The following NR6A1 variants were observed in gnomAD, a reference collection of about 807,000 sequenced individuals.
NR6A1 encodes retinoic acid receptor-related testis-associated receptor.
In NR6A1, 7 loss-of-function variants were observed where a neutral mutation model predicts 59.1. That is an observed-to-expected ratio of 0.12 (90% CI 0.07 to 0.22). NR6A1 has a LOEUF of 0.22. Among genes scored for constraint, NR6A1 ranks in the 10% least tolerant of loss-of-function variants. The probability of loss-of-function intolerance (pLI) is 1.00; values close to 1 mark genes in which losing one functional copy is unlikely to be tolerated. For synonymous variants in NR6A1, 243 were observed against 236.1 expected (o/e 1.03, Z -0.27); for missense variants, 468 against 611.6 (o/e 0.77, Z 2.48).
intron 2 of NR6A1, among the ~76,000 whole-genome samples, chr9:124,679,463 G>GC (rs1353707476): frequency 6.6e-6 from 1 of 152,124 alleles, no homozygotes; most frequent in African/African-American, 2.4e-5. Context: ...ATCCGCACCT[G>GC]CCCCCTGATT....
chr9:124,554,270 C>T (rs1158133714), intron 3 of NR6A1, 58 bp downstream of exon 3: 64 of 1,611,396 alleles, frequency 4.0e-5, no homozygotes, highest in Non-Finnish European at 5.3e-5. Flanking sequence ...AAACAGCTGA[C>T]ACTAAAGGTA....
intron 1 of NR6A1, among the ~76,000 whole-genome samples, chr9:124,750,214 T>C (rs1840455905): frequency 6.6e-6 from 1 of 152,220 alleles, no homozygotes; most frequent in Admixed American, 6.5e-5. Context: ...AAATAGTATT[T>C]AAGAGCCTAA....
rs986521988 is a variant in NR6A1, at chr9:124,522,646, G to C, written c.*59C>G. The C allele has an allele frequency of 1.4e-6, 2 of 1,411,158 alleles. No homozygotes were observed. The highest frequency in any genetic ancestry group is 1.2e-5 in the South Asian group (1 of 80,258). The allele number at this position is 1,411,158 out of a possible 1,614,324, so 87.4% of individuals were successfully genotyped here. On this transcript the variant is annotated 3_prime_UTR_variant, in exon 10 of 10. Transcript: ENST00000487099. ...TTGGTCTCTCTGGCTTTTCCCTCCA[G>C]AGCCTGTCCTGCCCACCCAAGACGC...
chr9:124,592,047 T>C lies in NR6A1; in HGVS notation c.143-37477A>G, dbSNP rs927830998. On this transcript the variant is annotated intron_variant, in intron 2 of 9. Coordinates refer to ENST00000487099, the MANE Select transcript of NR6A1 (RefSeq NM_033334.4). ...GAAAAAAACGAATGATGTGAAAAAA[T>C]TGGTGGTCGCGGGGTGGGAGATTGT... Among the ~76,000 whole-genome samples the C allele has an allele frequency of 7.9e-5, 12 of 152,158 alleles. No individual in the cohort carries two copies. The East Asian group carries it at 1.4e-3, about 17-fold the overall frequency.
chr9:124,683,906 A>T (rs944348104), intron 2 of NR6A1, among the ~76,000 whole-genome samples: 1 of 152,270 alleles, frequency 6.6e-6, no homozygotes, highest in Admixed American at 6.5e-5. Context: ...TGGCAGAACC[A>T]GGATTTGAAA....
chr9:124,765,129 T>C (rs1188397025), intron 1 of NR6A1, among the ~76,000 whole-genome samples: 1 of 152,226 alleles, frequency 6.6e-6, no homozygotes, highest in Non-Finnish European at 1.5e-5. Context: ...ATGTAACGAA[T>C]TGTATGGTTT....
chr9:124,645,013 G>A (rs370116716), intron 2 of NR6A1, among the ~76,000 whole-genome samples: 7 of 152,126 alleles, frequency 4.6e-5, no homozygotes, highest in East Asian at 3.8e-4. Context: ...CACATTGAAC[G>A]TACAACATCA....
chr9:124,666,247 A>AT (rs1203135901), intron 2 of NR6A1, among the ~76,000 whole-genome samples: 1 of 141,242 alleles, frequency 7.1e-6, no homozygotes, highest in African/African-American at 2.7e-5. Context: ...TGTGACCTAG[A>AT]TTTTGGCGGA....
In NR6A1 at chr9:124,526,891, A is replaced by G. The variant is rs1188953314; in HGVS notation, c.1089T>C (p.Asp363=). ...PSDEELHRFS[D]EGMEVIERLI... is the part of the protein sequence containing the mutation. ...GCCGCTCGATCACCTCCATCCCTTC[A>G]TCACTAAATCTGAGGAACAGACACA... is the stretch of plus-strand genomic sequence containing the variant. Residue 363 remains aspartate (D), a synonymous_variant, in exon 8 of 10, where the codon GAT becomes GAC. Coordinates refer to ENST00000487099, the MANE Select transcript of NR6A1 (RefSeq NM_033334.4). The G allele has an allele frequency of 6.2e-7, 1 of 1,613,888 alleles. No individual in the cohort carries two copies. The highest frequency in any genetic ancestry group is 2.2e-5 in the East Asian group (1 of 44,872).
chr9:124,704,150 T>C (rs1318929773), intron 2 of NR6A1, among the ~76,000 whole-genome samples: 2 of 152,236 alleles, frequency 1.3e-5, no homozygotes, highest in African/African-American at 2.4e-5. Flanking sequence ...TTGTCTAATT[T>C]GGTGAGATAA....
intron 2 of NR6A1, among the ~76,000 whole-genome samples, chr9:124,703,265 T>C (rs1360060135): frequency 6.9e-6 from 1 of 144,704 alleles, no homozygotes; most frequent in Admixed American, 7.2e-5. Context: ...CAGCCTGGAG[T>C]ATAGTGGCAC....
rs200465994 is a variant in NR6A1, at chr9:124,518,962, G to C, written c.*3743C>G. The C allele has an allele frequency of 5.9e-5, 9 of 152,200 alleles. No homozygotes were observed. The highest frequency in any genetic ancestry group is 5.8e-4 in the East Asian group (3 of 5,174). The allele number at this position is 152,200 out of a possible 1,614,324, so 9.4% of individuals were successfully genotyped here. On this transcript the variant is annotated 3_prime_UTR_variant, in exon 10 of 10. Transcript: ENST00000487099. ...TGAGAGGCCAGGGTTCCCTTAATTC[G>C]ACCAACCTTGGACATGGCTTAGATG...
At chr9:124,641,074 G>A (rs1052869569) in intron 2 of NR6A1, among the ~76,000 whole-genome samples, 4 of 152,134 alleles carry the variant, frequency 2.6e-5, no homozygotes, top group African/African-American at 7.2e-5. Flanking sequence ...CAAAGTCGCC[G>A]GGTGCAGTGT....
intron 2 of NR6A1, among the ~76,000 whole-genome samples, chr9:124,615,865 C>T (rs944720148): frequency 6.6e-6 from 1 of 151,928 alleles, no homozygotes; most frequent in Non-Finnish European, 1.5e-5. Flanking sequence ...GACAGAGTCT[C>T]GCTCTGTAGC....
chr9:124,554,579 G>A lies in NR6A1; in HGVS notation c.143-9C>T. 6.2e-7 allele frequency: 1 copy of A among 1,614,158 alleles called. No homozygotes were observed. The highest frequency in any genetic ancestry group is 8.5e-7 in the Non-Finnish European group (1 of 1,180,016). ...ATCATCTGAAACAGAAACTGATCAT[G>A]TTCAAGTTAGAACACAGTGGAAATA... On this transcript the variant is annotated splice_polypyrimidine_tract_variant and intron_variant, in intron 2 of 9. Transcript: ENST00000487099.
At chr9:124,721,405 C>A (rs1020211428) in intron 2 of NR6A1, among the ~76,000 whole-genome samples, 1 of 152,194 alleles carries the variant, frequency 6.6e-6, no homozygotes, top group African/African-American at 2.4e-5. Context: ...CAGCAAAAGG[C>A]CACATTCAGA....
intron 2 of NR6A1, among the ~76,000 whole-genome samples, chr9:124,731,612 C>G (rs1316365859): frequency 6.6e-6 from 1 of 152,124 alleles, no homozygotes; most frequent in Non-Finnish European, 1.5e-5. Context: ...CACTCAAGAG[C>G]AAGACCAACC....
At chr9:124,539,779 G>A (rs1833386565) in intron 5 of NR6A1, among the ~76,000 whole-genome samples, 1 of 152,258 alleles carries the variant, frequency 6.6e-6, no homozygotes, top group Non-Finnish European at 1.5e-5. Flanking sequence ...GGTGAAGAAT[G>A]CACGGGCATG....
intron 2 of NR6A1, among the ~76,000 whole-genome samples, chr9:124,707,394 C>T (rs1839166000): frequency 1.3e-5 from 2 of 152,098 alleles, no homozygotes; most frequent in African/African-American, 4.8e-5. Context: ...TGTCATCACA[C>T]TTCCTCTTTT....
Sources: allele counts gnomAD v4.1 joint callset (sites outside exome capture counted in the v4.1 genomes callset), GRCh38; gene constraint gnomAD v4.1.1; transcripts MANE v1.5; gene names NCBI Gene and HGNC (gene_info 2026-07-23, HGNC 2026-07-21).